PHF21A: variants seen among roughly 807,000 people sequenced by gnomAD.
PHF21A encodes BHC80a.
PHF21A carries 11 observed loss-of-function variants against 82.5 expected under a neutral mutation model. The observed-to-expected ratio is 0.13, with a 90% CI of 0.08 to 0.22. The LOEUF (loss-of-function observed/expected upper bound fraction) is 0.22, where lower values mean the gene tolerates loss of function less well. Among genes scored for constraint, PHF21A ranks in the 10% least tolerant of loss-of-function variants. The pLI, the probability that PHF21A is intolerant of heterozygous loss-of-function variation, is 1.00. For missense variants in PHF21A, 579 were observed against 837.8 expected, an observed-to-expected ratio of 0.69 and a Z score of 3.81; for synonymous variants, 297 against 302.8, an observed-to-expected ratio of 0.98 and a Z score of 0.20.
intron 6 of PHF21A, among the ~76,000 whole-genome samples, chr11:46,018,538 T>C (rs978165150): frequency 4.6e-5 from 7 of 152,208 alleles, no homozygotes; most frequent in African/African-American, 1.4e-4. Flanking sequence ...AAAACAGCTA[T>C]CCTGAAATAG....
intron 6 of PHF21A, among the ~76,000 whole-genome samples, chr11:46,073,642 C>T (rs1374990962): frequency 6.6e-6 from 1 of 152,092 alleles, no homozygotes; most frequent in Non-Finnish European, 1.5e-5. Context: ...CATATATACA[C>T]AAAATAAACA....
chr11:46,055,057 G>A (rs1256773068), intron 6 of PHF21A, among the ~76,000 whole-genome samples: 1 of 152,096 alleles, frequency 6.6e-6, no homozygotes, highest in South Asian at 2.1e-4. Flanking sequence ...GCGCCAAAAC[G>A]TCTTTCTTTC....
intron 15 of PHF21A, among the ~76,000 whole-genome samples, chr11:45,944,640 C>T (rs1047051535): frequency 3.3e-5 from 5 of 152,236 alleles, no homozygotes; most frequent in African/African-American, 1.2e-4. Flanking sequence ...TACACTCCCA[C>T]CTCAGGGCTT....
chr11:45,934,181 C>T lies in PHF21A; in HGVS notation c.1833G>A (p.Glu611=). The T allele has an allele frequency of 1.2e-6, 2 of 1,614,028 alleles. No homozygotes were observed. Among genetic ancestry groups the T allele is most frequent in the Non-Finnish European group, 1.7e-6 (2 of 1,180,008 alleles). Residue 611 remains glutamate (E), a synonymous_variant, in exon 19 of 19, where the codon GAG becomes GAA. Transcript: ENST00000676320. ...TTACCTTCTCCAGGGAGCTGTGCATCTCCTTCTGCCGGGCCAGGATGGTGT... is the reference window on the plus strand; with the variant it reads ...TTACCTTCTCCAGGGAGCTGTGCATTTCCTTCTGCCGGGCCAGGATGGTGT... ...MKNTILARQK[E]MHSSLEKVKQ...
intron 11 of PHF21A, 108 bp from the exon 12 acceptor site, chr11:45,950,365 C>A: frequency 1.3e-6 from 1 of 779,832 alleles, no homozygotes; most frequent in South Asian, 1.7e-5. Flanking sequence ...GGGCGGGTCT[C>A]ATGAATGCAC....
At chr11:45,958,449 T>TATATATATATACACAC (rs780397923) in intron 10 of PHF21A, among the ~76,000 whole-genome samples, 146 of 15,012 alleles carry the variant, frequency 9.7e-3, no homozygotes, top group Non-Finnish European at 0.015. Context: ...TATATATATA[T>TATATATATATACACAC]ACACACACAC....
chr11:46,082,446 T>C (rs1268475121), intron 4 of PHF21A, among the ~76,000 whole-genome samples: 1 of 152,224 alleles, frequency 6.6e-6, no homozygotes, highest in African/African-American at 2.4e-5. Context: ...TTTTCAAAAA[T>C]AGTAAAGTAT....
chr11:46,036,696 A>C (rs973093864), intron 6 of PHF21A, among the ~76,000 whole-genome samples: 1 of 152,060 alleles, frequency 6.6e-6, no homozygotes, highest in African/African-American at 2.4e-5. Flanking sequence ...TTATTTCCTC[A>C]CAGAGTACTG....
intron 1 of PHF21A, among the ~76,000 whole-genome samples, chr11:46,105,671 T>C (rs1401313683): frequency 2.6e-5 from 4 of 152,100 alleles, no homozygotes; most frequent in Non-Finnish European, 5.9e-5. Flanking sequence ...TCATAACAAA[T>C]GTCCAATGAT....
At chr11:45,974,681 GCT>G (rs2093943964) in intron 7 of PHF21A, among the ~76,000 whole-genome samples, 2 of 151,776 alleles carry the variant, frequency 1.3e-5, no homozygotes, top group African/African-American at 4.8e-5. Flanking sequence ...TCTAGAACTC[GCT>G]CTCACGTAAT....
intron 6 of PHF21A, among the ~76,000 whole-genome samples, chr11:46,048,924 G>A (rs1337639341): frequency 1.3e-5 from 2 of 152,126 alleles, no homozygotes; most frequent in East Asian, 1.9e-4. Context: ...TCAAGTGGCT[G>A]TAACATTTTA....
intron 15 of PHF21A, among the ~76,000 whole-genome samples, chr11:45,942,637 C>T (rs1284750963): frequency 6.6e-6 from 1 of 152,144 alleles, no homozygotes; most frequent in African/African-American, 2.4e-5. Context: ...TCTGTAACCA[C>T]CAGCGACGTC....
intron 1 of PHF21A, among the ~76,000 whole-genome samples, chr11:46,097,784 C>T (rs992102570): frequency 1.3e-5 from 2 of 151,962 alleles, no homozygotes; most frequent in African/African-American, 2.4e-5. Flanking sequence ...CCACACACTG[C>T]CTCACATTTT....
At chr11:46,079,714 A>C (rs1245882684) in intron 4 of PHF21A, among the ~76,000 whole-genome samples, 1 of 152,156 alleles carries the variant, frequency 6.6e-6, no homozygotes, top group African/African-American at 2.4e-5. Context: ...GTTTTTGAGA[A>C]CAAGGAAGTG....
chr11:46,095,474 G>A (rs892842193), intron 1 of PHF21A, among the ~76,000 whole-genome samples: 1 of 152,064 alleles, frequency 6.6e-6, no homozygotes, highest in African/African-American at 2.4e-5. Flanking sequence ...ACCTAAGTTA[G>A]AGTAAATGAA....
chr11:45,984,351 T>C (rs1391757470), intron 6 of PHF21A, among the ~76,000 whole-genome samples: 2 of 152,210 alleles, frequency 1.3e-5, no homozygotes, highest in South Asian at 2.1e-4. Flanking sequence ...AAACCCAGCA[T>C]GTAACAAGGA....
intron 1 of PHF21A, among the ~76,000 whole-genome samples, chr11:46,108,195 TATTTGA>T (rs2097172788): frequency 6.6e-6 from 1 of 152,194 alleles, no homozygotes; most frequent in Non-Finnish European, 1.5e-5. Context: ...TTTTAAATGT[TATTTGA>T]AAACACAATT....
intron 6 of PHF21A, among the ~76,000 whole-genome samples, chr11:46,015,144 C>G (rs2095492226): frequency 6.6e-6 from 1 of 152,060 alleles, no homozygotes; most frequent in Non-Finnish European, 1.5e-5. Context: ...TGTATGTCTC[C>G]CTTCAAAAGT....
At chr11:45,965,759 A>G (rs958915427) in intron 9 of PHF21A, 151 bp from the exon 10 acceptor site, 1 of 648,244 alleles carries the variant, frequency 1.5e-6, no homozygotes, top group African/African-American at 1.8e-5. Flanking sequence ...CAGGGCATAT[A>G]ATCTTATACA....
Sources: allele counts gnomAD v4.1 joint callset (sites outside exome capture counted in the v4.1 genomes callset), GRCh38; gene constraint gnomAD v4.1.1; transcripts MANE v1.5; gene names NCBI Gene and HGNC (gene_info 2026-07-23, HGNC 2026-07-21).